CDH23: variants seen among roughly 807,000 people sequenced by gnomAD.
CDH23 encodes cadherin-23.
In CDH23, 189 loss-of-function variants were observed where a neutral mutation model predicts 317.1. The observed-to-expected ratio is 0.60, with a 90% confidence interval of 0.53 to 0.67. The LOEUF (loss-of-function observed/expected upper bound fraction) is 0.67, where lower values mean the gene tolerates loss of function less well. Among genes scored for constraint, CDH23 ranks in the 30% least tolerant of loss-of-function variants. The pLI is 0.00. For missense variants in CDH23, 4,401 were observed against 4,592.4 expected (o/e 0.96, Z 1.20); for synonymous variants, 1,839 against 1,876.8 (o/e 0.98, Z 0.52).
intron 9 of CDH23, among the ~76,000 whole-genome samples, chr10:71,584,871 G>A (rs1022919840): frequency 6.6e-6 from 1 of 152,224 alleles, no homozygotes; most frequent in African/African-American, 2.4e-5. Context: ...GGGCATCTTG[G>A]GGAATGGCTC....
intron 1 of CDH23, among the ~76,000 whole-genome samples, chr10:71,410,299 C>G (rs1316481909): frequency 2.0e-5 from 3 of 152,154 alleles, no homozygotes; most frequent in African/African-American, 7.2e-5. Flanking sequence ...TTGCAGGCTG[C>G]CTGGGGGTGC....
In CDH23 at chr10:71,643,727, G is replaced by T. The variant is rs567727086; in HGVS notation, c.1135-134G>T. 9.0e-6 allele frequency: 6 copies of T among 668,676 alleles called. No individual in the cohort carries two copies. The East Asian group carries it at 1.3e-4, about 14-fold the overall frequency. 41.4% of individuals were successfully genotyped at this position (668,676 alleles called of 1,614,324 possible). ...AGGCTGGGGACAGCTGCTCCTCTAG[G>T]GTGTGATCCTGGGGTCCCTCCCATG... On this transcript the variant is annotated intron_variant, in intron 11 of 69. Coordinates refer to ENST00000224721, the MANE Select transcript of CDH23 (RefSeq NM_022124.6).
chr10:71,742,576 G>A (rs1020366226), intron 38 of CDH23, among the ~76,000 whole-genome samples: 1 of 152,194 alleles, frequency 6.6e-6, no homozygotes, highest in African/African-American at 2.4e-5. Context: ...CAGGGAATTT[G>A]GAGTCAGGAG....
chr10:71,724,002 T>C, intron 28 of CDH23, 43 bp from the exon 29 acceptor site: 1 of 1,549,534 alleles, frequency 6.5e-7, no homozygotes. Context: ...CTCTCCCTGC[T>C]GGGTGGCATT....
chr10:71,710,002 G>A (rs973749199), intron 27 of CDH23, among the ~76,000 whole-genome samples: 1 of 152,094 alleles, frequency 6.6e-6, no homozygotes, highest in African/African-American at 2.4e-5. Context: ...GATCTCATGA[G>A]ACTTATTTAC....
At chr10:71,430,194 G>C (rs1362079994) in intron 1 of CDH23, among the ~76,000 whole-genome samples, 1 of 152,088 alleles carries the variant, frequency 6.6e-6, no homozygotes, top group Non-Finnish European at 1.5e-5. Context: ...TGAGCCAGGG[G>C]ATAGGAGGAA....
chr10:71,805,035 G>T (rs1053073331), intron 55 of CDH23, among the ~76,000 whole-genome samples: 2 of 152,152 alleles, frequency 1.3e-5, no homozygotes, highest in African/African-American at 4.8e-5. Flanking sequence ...AGACGTAACT[G>T]CCATTTAGAA....
At chr10:71,740,198 T>C (rs1839695817) in intron 36 of CDH23, among the ~76,000 whole-genome samples, 1 of 152,196 alleles carries the variant, frequency 6.6e-6, no homozygotes. Flanking sequence ...AGTGCAGGCT[T>C]GAGGAGCCAC....
In CDH23 at chr10:71,815,270, G is replaced by C; in HGVS notation, c.10057G>C (p.Glu3353Gln). 1 of 1,567,396 alleles carries C rather than the reference G, an allele frequency of 6.4e-7. No individual in the cohort carries two copies. The highest frequency in any genetic ancestry group is 8.7e-7 in the Non-Finnish European group (1 of 1,151,994). ...VIMETPLEIT[E>Q]L ...CATGGAGACCCCCCTGGAGATCACA[G>C]AGCTGTGACTAGACAGGGAAGCCTT... The change falls in exon 70 of 70, where the codon GAG (glutamate) becomes CAG (glutamine). Residue 3353 changes from glutamate to glutamine, a missense_variant. By Grantham distance (29) the Glu-to-Gln change is conservative. Transcript: ENST00000224721.
chr10:71,715,912 G>A (rs761271943), intron 28 of CDH23: 13 of 1,446,394 alleles, frequency 9.0e-6, no homozygotes, highest in Non-Finnish European at 1.1e-5. Context: ...AGGGGGATGT[G>A]GGGGCATGTT....
At chr10:71,597,442 C>T (rs1020057065) in intron 9 of CDH23, among the ~76,000 whole-genome samples, 14 of 152,080 alleles carry the variant, frequency 9.2e-5, no homozygotes, top group Non-Finnish European at 1.8e-4. Context: ...CTGTCCTCAC[C>T]ATTACTTCTC....
In CDH23 at chr10:71,742,005, A is replaced by G. The variant is rs56257321; in HGVS notation, c.4845+84A>G. 5,333 of 1,122,386 alleles carry G rather than the reference A, an allele frequency of 4.8e-3. 183 individuals carry two copies. The African/African-American group carries it at 0.071, about 15-fold the overall frequency. 69.5% of individuals were successfully genotyped at this position (1,122,386 alleles called of 1,614,324 possible). A position where few individuals can be genotyped will look rare whatever the true frequency, so the allele number is the denominator to read the frequency against. On this transcript the variant is annotated intron_variant, in intron 38 of 69. Transcript: ENST00000224721. ...AGTGAGGGGAACAAGATGGGTGAGA[A>G]TGGAATTCCACACAGCAGGCGAATC...
intron 6 of CDH23, among the ~76,000 whole-genome samples, chr10:71,564,604 G>T (rs1206346564): frequency 6.6e-6 from 1 of 152,220 alleles, no homozygotes; most frequent in Non-Finnish European, 1.5e-5. Context: ...GGACCATGCG[G>T]TATGGACAGT....
chr10:71,598,887 A>G (rs16929117), intron 9 of CDH23, among the ~76,000 whole-genome samples: 58,065 of 152,116 alleles, frequency 0.38, 11,771 homozygotes, highest in Non-Finnish European at 0.44. Context: ...CTGAACGCCT[A>G]CTTGGTGTGG....
chr10:71,687,848 C>A, intron 19 of CDH23, 129 bp downstream of exon 19: 2 of 857,204 alleles, frequency 2.3e-6, no homozygotes, highest in South Asian at 1.5e-5. Flanking sequence ...TTTCCCCGGC[C>A]AAGCTCCTTG....
intron 3 of CDH23, among the ~76,000 whole-genome samples, chr10:71,466,559 C>A (rs1343930242): frequency 6.6e-6 from 1 of 151,990 alleles, no homozygotes; most frequent in Non-Finnish European, 1.5e-5. Flanking sequence ...TTTGTCCCTG[C>A]ACATGTGTGC....
chr10:71,525,475 A>C (rs4747161), intron 6 of CDH23, among the ~76,000 whole-genome samples: 1 of 152,050 alleles, frequency 6.6e-6, no homozygotes, highest in Non-Finnish European at 1.5e-5. Context: ...AACAGTGGGA[A>C]GCTGGTGGTT....
intron 22 of CDH23, 21 bp from the exon 23 acceptor site, chr10:71,702,001 G>A: frequency 1.9e-6 from 3 of 1,612,792 alleles, no homozygotes; most frequent in African/African-American, 1.3e-5. Context: ...TCAGTGAAGG[G>A]GTCTGCTCCC....
chr10:71,524,419 G>A (rs534511230), intron 6 of CDH23, among the ~76,000 whole-genome samples: 87 of 152,180 alleles, frequency 5.7e-4, no homozygotes, highest in Non-Finnish European at 1.1e-3. Context: ...AGTGCGGTTC[G>A]AGCTCCCTGC....
Sources: gnomAD v4.1 joint callset for allele counts (sites outside exome capture counted in the v4.1 genomes callset) on GRCh38, gnomAD v4.1.1 for gene constraint, MANE v1.5 for transcripts, NCBI Gene and HGNC (gene_info 2026-07-23, HGNC 2026-07-21) for gene names.